Variants in GPC5 observed in about 807,000 individuals in gnomAD.
GPC5 encodes glypican-5.
A neutral mutation model predicts 53.9 loss-of-function variants in GPC5; 47 were observed. The ratio of observed to expected loss-of-function variants is 0.87; its 90% CI spans 0.69 to 1.11. The LOEUF (loss-of-function observed/expected upper bound fraction) is 1.11, where lower values mean the gene tolerates loss of function less well. Ranked by LOEUF, GPC5 falls within the 50% of genes most tolerant of loss-of-function variation. The pLI, the probability that GPC5 is intolerant of heterozygous loss-of-function variation, is 0.00. For missense variants in GPC5, 748 were observed against 713.1 expected, an observed-to-expected ratio of 1.05 and a Z score of -0.56; for synonymous variants, 286 against 263.3, an observed-to-expected ratio of 1.09 and a Z score of -0.84.
At chr13:92,656,861 ACAGAGGATGG>A (rs764329097) in intron 7 of GPC5, among the ~76,000 whole-genome samples, 8 of 152,188 alleles carry the variant, frequency 5.3e-5, no homozygotes, top group Non-Finnish European at 8.8e-5. Context: ...GAGTCTGAGG[ACAGAGGATGG>A]CTTGAGCCCA....
intron 7 of GPC5, among the ~76,000 whole-genome samples, chr13:92,349,543 T>A: frequency 6.7e-6 from 1 of 149,138 alleles, no homozygotes; most frequent in Non-Finnish European, 1.5e-5. Context: ...CTCAAGTAAA[T>A]AAAATCTGAG....
intron 7 of GPC5, among the ~76,000 whole-genome samples, chr13:92,565,439 C>T (rs984659797): frequency 1.3e-5 from 2 of 152,044 alleles, no homozygotes; most frequent in Non-Finnish European, 2.9e-5. Flanking sequence ...ACCTGCCAAC[C>T]TCACTTCAAG....
rs187171510 is a variant in GPC5 at position 92,536,257 on chromosome 13, T to C, written c.1562-330025T>C. ...CTATCCATGTCAGCTACATTTCCGA[T>C]AGTATTCAGTTAATAGTTTTAATAA... On this transcript the variant is annotated intron_variant, in intron 7 of 7. Transcript: ENST00000377067. Among the ~76,000 whole-genome samples, 192 of 152,256 alleles carry C rather than the reference T, an allele frequency of 1.3e-3. 1 individual carries two copies. Among genetic ancestry groups the C allele is most frequent in the African/African-American group, 4.5e-3 (187 of 41,556 alleles).
intron 6 of GPC5, among the ~76,000 whole-genome samples, chr13:91,951,971 A>G (rs2040029549): frequency 6.6e-6 from 1 of 152,182 alleles, no homozygotes; most frequent in African/African-American, 2.4e-5. Context: ...GTAAATGGGT[A>G]AAGCTGTTTT....
At chr13:92,761,792 C>G (rs919275759) in intron 7 of GPC5, among the ~76,000 whole-genome samples, 1 of 151,918 alleles carries the variant, frequency 6.6e-6, no homozygotes, top group African/African-American at 2.4e-5. Flanking sequence ...ATCTTTTGTT[C>G]CTTGCATTCT....
At chr13:92,385,781 ATG>A (rs1491536751) in intron 7 of GPC5, among the ~76,000 whole-genome samples, 5 of 27,540 alleles carry the variant, frequency 1.8e-4, no homozygotes, top group African/African-American at 8.3e-4. Flanking sequence ...ATATACATAT[ATG>A]TATATATATA....
chr13:92,798,948 TTTTC>T (rs1228644148), intron 7 of GPC5, among the ~76,000 whole-genome samples: 1 of 151,852 alleles, frequency 6.6e-6, no homozygotes, highest in Non-Finnish European at 1.5e-5. Flanking sequence ...TTCCTCATAT[TTTTC>T]TTTGTCTCCA....
At chr13:92,009,514 A>G (rs1230524853) in intron 6 of GPC5, among the ~76,000 whole-genome samples, 3 of 152,112 alleles carry the variant, frequency 2.0e-5, no homozygotes, top group Admixed American at 6.6e-5. Context: ...TCCTCAGTTT[A>G]CACCCCTGTC....
At chr13:92,060,269 G>A (rs746731168) in intron 6 of GPC5, among the ~76,000 whole-genome samples, 1 of 152,004 alleles carries the variant, frequency 6.6e-6, no homozygotes, top group Non-Finnish European at 1.5e-5. Context: ...TGTAGTTATT[G>A]TAGTAATAGT....
At chr13:91,427,417 CT>C (rs1879136998) in intron 1 of GPC5, among the ~76,000 whole-genome samples, 1 of 152,178 alleles carries the variant, frequency 6.6e-6, no homozygotes, top group South Asian at 2.1e-4. Flanking sequence ...CAAATGAGAT[CT>C]TTTTGGAGTT....
chr13:91,974,650 C>A (rs1205797530), intron 6 of GPC5, among the ~76,000 whole-genome samples: 1 of 152,164 alleles, frequency 6.6e-6, no homozygotes, highest in Non-Finnish European at 1.5e-5. Flanking sequence ...ACATTGCATG[C>A]TCATGGGTAG....
intron 6 of GPC5, among the ~76,000 whole-genome samples, chr13:92,075,807 T>G (rs530526952): frequency 8.5e-5 from 13 of 152,302 alleles, no homozygotes; most frequent in African/African-American, 3.1e-4. Flanking sequence ...ATATGTATCA[T>G]CTTAGTCTTA....
intron 2 of GPC5, among the ~76,000 whole-genome samples, chr13:91,620,400 G>A (rs2033821033): frequency 6.6e-6 from 1 of 152,096 alleles, no homozygotes; most frequent in Non-Finnish European, 1.5e-5. Flanking sequence ...AAATGTTAAT[G>A]TAAATGTCAT....
intron 2 of GPC5, among the ~76,000 whole-genome samples, chr13:91,555,565 C>G (rs1000282352): frequency 3.3e-5 from 5 of 152,046 alleles, no homozygotes; most frequent in Non-Finnish European, 5.9e-5. Context: ...ATTTGTCAAC[C>G]TCTTTCTTTG....
chr13:92,278,417 C>A (rs1252275724), intron 7 of GPC5, among the ~76,000 whole-genome samples: 1 of 151,746 alleles, frequency 6.6e-6, no homozygotes, highest in Non-Finnish European at 1.5e-5. Context: ...TTGTGACTAA[C>A]AAAATAAATT....
intron 6 of GPC5, among the ~76,000 whole-genome samples, chr13:92,015,233 A>C (rs2040696521): frequency 1.3e-5 from 2 of 152,206 alleles, no homozygotes; most frequent in African/African-American, 4.8e-5. Context: ...ACAACAAAGA[A>C]TTAGCCAAAA....
intron 5 of GPC5, among the ~76,000 whole-genome samples, chr13:91,781,856 T>A (rs1180014890): frequency 6.6e-6 from 1 of 152,208 alleles, no homozygotes; most frequent in African/African-American, 2.4e-5. Context: ...TCCTCACCTC[T>A]CCTTTCTTCA....
At chr13:92,538,758 C>T (rs1881810030) in intron 7 of GPC5, among the ~76,000 whole-genome samples, 1 of 83,246 alleles carries the variant, frequency 1.2e-5, no homozygotes, top group Non-Finnish European at 2.4e-5. Context: ...TGATGGTTTC[C>T]AGCTTCATCC....
At chr13:92,865,747 AT>A (rs1879316021) in intron 7 of GPC5, among the ~76,000 whole-genome samples, 1 of 152,170 alleles carries the variant, frequency 6.6e-6, no homozygotes, top group African/African-American at 2.4e-5. Context: ...AAAATATCAC[AT>A]TGTACCCCAT....
Sources: gnomAD v4.1 joint callset for allele counts (sites outside exome capture counted in the v4.1 genomes callset) on GRCh38, gnomAD v4.1.1 for gene constraint, MANE v1.5 for transcripts, NCBI Gene and HGNC (gene_info 2026-07-23, HGNC 2026-07-21) for gene names.